The following ARHGAP31 variants were observed in gnomAD, a reference collection of about 807,000 sequenced individuals.
The protein encoded by ARHGAP31 is rho GTPase-activating protein 31.
In ARHGAP31, 34 loss-of-function variants were observed where a neutral mutation model predicts 113.9. That is an observed-to-expected ratio of 0.30 (90% CI 0.23 to 0.40). The LOEUF (loss-of-function observed/expected upper bound fraction) is 0.40, where lower values mean the gene tolerates loss of function less well. ARHGAP31 is among the 10% of genes least tolerant of loss of function. The probability of loss-of-function intolerance (pLI) is 1.00; values close to 1 mark genes in which losing one functional copy is unlikely to be tolerated. For missense variants in ARHGAP31, 1,548 were observed against 1,767.1 expected (o/e 0.88, Z 2.22); for synonymous variants, 650 against 684.8 (o/e 0.95, Z 0.79).
chr3:119,314,434 G>C (rs1292123550), intron 1 of ARHGAP31: 1 of 152,254 alleles, frequency 6.6e-6, no homozygotes, highest in African/African-American at 2.4e-5. Context: ...GGTCATCTCT[G>C]TGAGACTCAG....
In ARHGAP31 at chr3:119,380,960, C is replaced by G. The variant is rs1238348370; in HGVS notation, c.405C>G (p.Ile135Met). The change falls in exon 4 of 12, where the codon ATC becomes ATG. Residue 135 changes from isoleucine to methionine, a missense_variant. By Grantham distance (10) the Ile-to-Met change is conservative. Coordinates refer to ENST00000264245, the MANE Select transcript of ARHGAP31 (RefSeq NM_020754.4). ...AACTGGCCCGAATCCAAAATGTTAT[C>G]CAGGAGCTTCCTCCATCCCACTATA... ...EGQLARIQNV[I>M]QELPPSHYRT... The G allele has an allele frequency of 6.2e-7, 1 of 1,613,998 alleles. No individual in the cohort carries two copies. Among genetic ancestry groups the G allele is most frequent in the African/African-American group, 1.3e-5 (1 of 74,916 alleles).
At chr3:119,298,788 C>A in intron 1 of ARHGAP31, 1 of 173,534 alleles carries the variant, frequency 5.8e-6, no homozygotes, top group South Asian at 1.3e-4. Flanking sequence ...GTTCCTCATC[C>A]AAAACACAGT....
chr3:119,295,586 C>T (rs946298014), intron 1 of ARHGAP31, among the ~76,000 whole-genome samples: 3 of 152,104 alleles, frequency 2.0e-5, no homozygotes, highest in Admixed American at 2.0e-4. Context: ...CCCCTTTCCA[C>T]AACCCCCTCC....
chr3:119,393,280 G>T (rs2080521183), intron 7 of ARHGAP31, among the ~76,000 whole-genome samples, 187 bp from the exon 8 acceptor site: 1 of 152,120 alleles, frequency 6.6e-6, no homozygotes, highest in South Asian at 2.1e-4. Flanking sequence ...TGAAAGCCTT[G>T]CTTGGTCACC....
intron 1 of ARHGAP31, among the ~76,000 whole-genome samples, chr3:119,320,363 A>C (rs959124693): frequency 1.3e-5 from 2 of 152,194 alleles, no homozygotes; most frequent in Non-Finnish European, 2.9e-5. Context: ...AAGGGGCTAC[A>C]TGATCATTAG....
At chr3:119,376,450 C>T (rs1381035925) in intron 3 of ARHGAP31, among the ~76,000 whole-genome samples, 2 of 152,170 alleles carry the variant, frequency 1.3e-5, no homozygotes, top group African/African-American at 4.8e-5. Flanking sequence ...GCTCCGTCTC[C>T]CATCATTTCC....
In ARHGAP31 at chr3:119,410,482, A is replaced by G. The variant is rs562166814; in HGVS notation, c.1926+706A>G. ...GAGTCTTGATTTTCAGGACGTGCAC[A>G]AAAGAACCATGTGCTGGGAGTTAGG... On this transcript the variant is annotated intron_variant, in intron 11 of 11. Coordinates refer to ENST00000264245, the MANE Select transcript of ARHGAP31 (RefSeq NM_020754.4). Among the ~76,000 whole-genome samples, 3 of 152,314 alleles carry G rather than the reference A, an allele frequency of 2.0e-5. No homozygotes were observed. In the South Asian group the frequency reaches 6.2e-4, roughly 32 times the overall value.
intron 1 of ARHGAP31, among the ~76,000 whole-genome samples, chr3:119,339,842 A>T (rs994925190): frequency 6.6e-6 from 1 of 152,226 alleles, no homozygotes; most frequent in Non-Finnish European, 1.5e-5. Flanking sequence ...AAATTAAGGA[A>T]AATCCTTGGA....
intron 3 of ARHGAP31, among the ~76,000 whole-genome samples, chr3:119,374,495 G>C (rs1401626699): frequency 6.6e-6 from 1 of 152,074 alleles, no homozygotes; most frequent in East Asian, 1.9e-4. Context: ...GTATGGTTTG[G>C]CTCTGTCCCC....
intron 3 of ARHGAP31, among the ~76,000 whole-genome samples, chr3:119,376,486 A>G (rs2080349998): frequency 6.6e-6 from 1 of 152,160 alleles, no homozygotes; most frequent in Non-Finnish European, 1.5e-5. Context: ...TACAGGCCAC[A>G]CTGGCCTCCA....
intron 1 of ARHGAP31, among the ~76,000 whole-genome samples, chr3:119,333,268 A>T (rs2079912802): frequency 6.6e-6 from 1 of 152,128 alleles, no homozygotes. Context: ...TCCACTATGA[A>T]CCTATTATCT....
At chr3:119,386,256 G>T (rs2080446932) in intron 6 of ARHGAP31, among the ~76,000 whole-genome samples, 1 of 151,174 alleles carries the variant, frequency 6.6e-6, no homozygotes, top group Non-Finnish European at 1.5e-5. Flanking sequence ...GTCCATTTGG[G>T]CTGCTATAAA....
intron 7 of ARHGAP31, among the ~76,000 whole-genome samples, chr3:119,392,158 C>T (rs1416972761): frequency 6.6e-6 from 1 of 152,198 alleles, no homozygotes; most frequent in Non-Finnish European, 1.5e-5. Flanking sequence ...ATCATAAAAA[C>T]ATCCTGGGTC....
intron 1 of ARHGAP31, among the ~76,000 whole-genome samples, chr3:119,337,224 C>T (rs575827099): frequency 1.3e-4 from 20 of 152,140 alleles, no homozygotes; most frequent in Non-Finnish European, 2.5e-4. Context: ...TTCTGATGTT[C>T]GGACATCTCC....
At chr3:119,309,253 T>C (rs1410072651) in intron 1 of ARHGAP31, among the ~76,000 whole-genome samples, 6 of 152,204 alleles carry the variant, frequency 3.9e-5, no homozygotes, top group Non-Finnish European at 7.3e-5. Flanking sequence ...GTGGAGAACA[T>C]GTCATTCTAC....
At chr3:119,375,390 T>A (rs2107627819) in intron 3 of ARHGAP31, among the ~76,000 whole-genome samples, 1 of 152,294 alleles carries the variant, frequency 6.6e-6, no homozygotes, top group Admixed American at 6.5e-5. Context: ...AGGGCCACAT[T>A]GCCTTTTCTT....
intron 1 of ARHGAP31, among the ~76,000 whole-genome samples, chr3:119,315,386 A>G (rs938204375): frequency 2.6e-5 from 4 of 152,224 alleles, no homozygotes; most frequent in African/African-American, 9.6e-5. Flanking sequence ...CCCAAACCCA[A>G]TTCTGAACTT....
At chr3:119,404,031 G>A (rs1474155513) in intron 10 of ARHGAP31, among the ~76,000 whole-genome samples, 1 of 152,164 alleles carries the variant, frequency 6.6e-6, no homozygotes, top group Non-Finnish European at 1.5e-5. Flanking sequence ...CTTTCAGGAT[G>A]GGTACGCAGA....
chr3:119,409,277 G>GTGAT (rs1384208829), intron 10 of ARHGAP31, among the ~76,000 whole-genome samples: 1 of 152,208 alleles, frequency 6.6e-6, no homozygotes, highest in Non-Finnish European at 1.5e-5. Flanking sequence ...ACCGGACTAG[G>GTGAT]TGATCTTTGA....
Sources: allele counts gnomAD v4.1 joint callset (sites outside exome capture counted in the v4.1 genomes callset), GRCh38; gene constraint gnomAD v4.1.1; transcripts MANE v1.5; gene names NCBI Gene and HGNC (gene_info 2026-07-23, HGNC 2026-07-21).